The following NOX3 variants were observed in gnomAD, a reference collection of about 807,000 sequenced individuals.
NOX3 encodes NADPH oxidase 3, also known as NADPH oxidase catalytic subunit-like 3.
A neutral mutation model predicts 76.7 loss-of-function variants in NOX3; 74 were observed. The observed-to-expected ratio is 0.96, with a 90% confidence interval of 0.80 to 1.17. The LOEUF (loss-of-function observed/expected upper bound fraction) is 1.17. NOX3 is among the 50% of genes most tolerant of loss of function. NOX3 has a pLI of 0.00. For missense variants in NOX3, 695 were observed against 703.3 expected, an observed-to-expected ratio of 0.99 and a Z score of 0.13; for synonymous variants, 263 against 261.1, an observed-to-expected ratio of 1.01 and a Z score of -0.07.
chr6:155,422,101 T>G (rs1392894871), intron 10 of NOX3, among the ~76,000 whole-genome samples: 1 of 152,202 alleles, frequency 6.6e-6, no homozygotes, highest in African/African-American at 2.4e-5. Context: ...TGCCTACCAT[T>G]GCTCTAGTGC....
intron 4 of NOX3, among the ~76,000 whole-genome samples, chr6:155,445,938 G>GATATATAATATATATATGATATAT (rs1777056070): frequency 7.8e-6 from 1 of 128,818 alleles, no homozygotes; most frequent in Admixed American, 7.8e-5. Flanking sequence ...ATATGCTATA[G>GATATATAATATATATATGATATAT]ATATATAATA....
intron 9 of NOX3, among the ~76,000 whole-genome samples, chr6:155,423,803 C>A (rs1220705662): frequency 2.0e-5 from 3 of 147,170 alleles, no homozygotes; most frequent in Admixed American, 6.9e-5. Flanking sequence ...TGCAGTGATG[C>A]GATCTCCGCT....
At chr6:155,418,312 A>T (rs529332147) in intron 10 of NOX3, among the ~76,000 whole-genome samples, 43 of 152,226 alleles carry the variant, frequency 2.8e-4, no homozygotes, top group African/African-American at 9.9e-4. Flanking sequence ...TTATTGCTAG[A>T]GGGCATTTTT....
At chr6:155,449,986 G>A (rs920085947) in intron 4 of NOX3, among the ~76,000 whole-genome samples, 4 of 152,274 alleles carry the variant, frequency 2.6e-5, no homozygotes, top group African/African-American at 7.2e-5. Context: ...GCATTTCTTC[G>A]TTCATGTGAA....
intron 11 of NOX3, among the ~76,000 whole-genome samples, chr6:155,410,667 C>A (rs1157935875): frequency 2.0e-5 from 3 of 152,176 alleles, no homozygotes; most frequent in Admixed American, 1.3e-4. Flanking sequence ...AGATCATCTT[C>A]ATCTTAGGTA....
intron 11 of NOX3, among the ~76,000 whole-genome samples, chr6:155,408,126 G>C (rs752524371): frequency 8.6e-5 from 13 of 152,006 alleles, no homozygotes; most frequent in African/African-American, 2.4e-5. Context: ...CTACAGGTGT[G>C]TACCACCATG....
intron 5 of NOX3, 72 bp from the exon 6 acceptor site, chr6:155,440,209 A>T (rs557273935): frequency 1.6e-5 from 17 of 1,035,542 alleles, no homozygotes; most frequent in East Asian, 6.6e-5. Context: ...ATCCTGGCAT[A>T]TTTTTTTTTT....
chr6:155,403,596 T>C (rs1367325333), intron 12 of NOX3, among the ~76,000 whole-genome samples: 4 of 152,178 alleles, frequency 2.6e-5, no homozygotes, highest in Non-Finnish European at 5.9e-5. Flanking sequence ...TGCTGCAAAA[T>C]ACAATTGAGC....
chr6:155,421,165 T>G (rs1776684646), intron 10 of NOX3, among the ~76,000 whole-genome samples: 1 of 152,188 alleles, frequency 6.6e-6, no homozygotes, highest in Non-Finnish European at 1.5e-5. Context: ...GTCTACCATG[T>G]GTTGGTTTTG....
chr6:155,424,954 A>T (rs993787025), intron 9 of NOX3, among the ~76,000 whole-genome samples: 1 of 152,260 alleles, frequency 6.6e-6, no homozygotes, highest in Non-Finnish European at 1.5e-5. Context: ...ACAAATTTCT[A>T]CATCTTTAGA....
At chr6:155,445,984 T>TAG (rs1164802505) in intron 4 of NOX3, among the ~76,000 whole-genome samples, 1 of 122,240 alleles carries the variant, frequency 8.2e-6, no homozygotes, top group Non-Finnish European at 1.8e-5. Flanking sequence ...ATATATGCTA[T>TAG]ATATATATAT....
intron 5 of NOX3, 22 bp from the exon 6 acceptor site, chr6:155,440,159 A>G (rs1776963975): frequency 1.3e-6 from 2 of 1,539,264 alleles, no homozygotes; most frequent in African/African-American, 1.4e-5. Flanking sequence ...AACAACAACA[A>G]AAAAAGAAAC....
At chr6:155,449,390 A>G (rs1777106502) in intron 4 of NOX3, among the ~76,000 whole-genome samples, 1 of 152,144 alleles carries the variant, frequency 6.6e-6, no homozygotes, top group Non-Finnish European at 1.5e-5. Flanking sequence ...AGGGTCTTCA[A>G]GGTCTGCTGT....
intron 9 of NOX3, among the ~76,000 whole-genome samples, chr6:155,426,340 C>A (rs1308550641): frequency 1.3e-5 from 2 of 152,176 alleles, no homozygotes; most frequent in African/African-American, 4.8e-5. Context: ...AACAGAGGCC[C>A]TTTTCTCATA....
At chr6:155,449,852 C>T (rs143215656) in intron 4 of NOX3, among the ~76,000 whole-genome samples, 73 of 152,242 alleles carry the variant, frequency 4.8e-4, no homozygotes, top group African/African-American at 1.4e-3. Context: ...ATAAAATAAG[C>T]GCAGGGACAT....
At chr6:155,412,429 G>A (rs1776563242) in intron 10 of NOX3, among the ~76,000 whole-genome samples, 1 of 152,186 alleles carries the variant, frequency 6.6e-6, no homozygotes, top group Non-Finnish European at 1.5e-5. Flanking sequence ...TTCTCTTCAT[G>A]TTTAGGCAGG....
rs369909863 is a variant in NOX3, at chr6:155,438,626, T to C, written c.668+1330A>G. Among the ~76,000 whole-genome samples the C allele has an allele frequency of 3.9e-5, 6 of 152,114 alleles. No individual in the cohort carries two copies. The South Asian group carries it at 1.2e-3, about 32-fold the overall frequency. The stretch of plus-strand genomic sequence containing the variant: ...GGAGCATTAAGGGTGAGGAGGGAGA[T>C]TGGAGGCGTTGTTGACTTGTGGAAG... On this transcript the variant is annotated intron_variant, in intron 6 of 13. Coordinates refer to ENST00000159060, the MANE Select transcript of NOX3 (RefSeq NM_015718.3).
At chr6:155,455,693 T>TA (rs1217724173) in intron 1 of NOX3, 60 bp downstream of exon 1, 1 of 1,401,068 alleles carries the variant, frequency 7.1e-7, no homozygotes, top group Non-Finnish European at 1.0e-6. Flanking sequence ...CAAGTTTTCC[T>TA]AAAAATCAAA....
rs1582931137 is a variant in NOX3, at chr6:155,414,113, T to C, written c.1309-2753A>G. Among the ~76,000 whole-genome samples, 3 of 152,326 alleles carry C rather than the reference T, an allele frequency of 2.0e-5. No individual in the cohort carries two copies. The Middle Eastern group carries it at 0.01, about 518-fold the overall frequency. On this transcript the variant is annotated intron_variant, in intron 10 of 13. Transcript: ENST00000159060. ...TCCGTAATTGACTTGTAAGTGACAC[T>C]GGGCAGCTTTGGTGTAAGAGGCTAT...
Sources: allele counts gnomAD v4.1 joint callset (sites outside exome capture counted in the v4.1 genomes callset), GRCh38; gene constraint gnomAD v4.1.1; transcripts MANE v1.5; gene names NCBI Gene and HGNC (gene_info 2026-07-23, HGNC 2026-07-21).